The following CNTNAP2 variants were observed in gnomAD, a reference collection of about 807,000 sequenced individuals.
The protein encoded by CNTNAP2 is contactin-associated protein-like 2.
Under a neutral mutation model 155.2 loss-of-function variants are expected in CNTNAP2, and 98 were observed. The ratio of observed to expected loss-of-function variants is 0.63; its 90% CI spans 0.54 to 0.75. The LOEUF is 0.75. CNTNAP2 is among the 30% of genes least tolerant of loss of function. The pLI, the probability that CNTNAP2 is intolerant of heterozygous loss-of-function variation, is 0.00. For missense variants in CNTNAP2, 1,727 were observed against 1,688.1 expected (o/e 1.02, Z -0.40); for synonymous variants, 651 against 631.2 (o/e 1.03, Z -0.47).
chr7:147,792,997 T>C (rs1255432912), intron 13 of CNTNAP2, among the ~76,000 whole-genome samples: 1 of 152,200 alleles, frequency 6.6e-6, no homozygotes, highest in Non-Finnish European at 1.5e-5. Flanking sequence ...TTATCTTACT[T>C]GGAGCAAGTC....
intron 8 of CNTNAP2, among the ~76,000 whole-genome samples, chr7:147,279,415 G>C (rs1448951362): frequency 6.6e-6 from 1 of 151,652 alleles, no homozygotes; most frequent in Non-Finnish European, 1.5e-5. Context: ...GATGAACTTA[G>C]GCGATGGGTC....
intron 1 of CNTNAP2, among the ~76,000 whole-genome samples, chr7:146,717,368 C>T (rs1454503368): frequency 6.9e-6 from 1 of 143,970 alleles, no homozygotes; most frequent in Non-Finnish European, 1.5e-5. Flanking sequence ...AAAAAAAAAG[C>T]CATGTGTGGT....
chr7:146,520,313 C>CGTATATAT (rs71175654), intron 1 of CNTNAP2, among the ~76,000 whole-genome samples: 16 of 140,820 alleles, frequency 1.1e-4, no homozygotes, highest in African/African-American at 4.1e-4. Context: ...TAGATATATT[C>CGTATATAT]ATATATATAT....
chr7:147,798,916 C>T (rs993520530), intron 13 of CNTNAP2, among the ~76,000 whole-genome samples: 6 of 152,100 alleles, frequency 3.9e-5, no homozygotes, highest in African/African-American at 1.4e-4. Context: ...ACCGTGTTTT[C>T]CTCCTTGTTT....
At chr7:147,406,587 G>A (rs1563192581) in intron 10 of CNTNAP2, among the ~76,000 whole-genome samples, 1 of 152,124 alleles carries the variant, frequency 6.6e-6, no homozygotes, top group Admixed American at 6.5e-5. Context: ...AATTCTCATG[G>A]CACCCATTGC....
chr7:147,465,956 A>G (rs577744988), intron 10 of CNTNAP2, among the ~76,000 whole-genome samples: 2 of 152,336 alleles, frequency 1.3e-5, no homozygotes, highest in Admixed American at 1.3e-4. Context: ...CTCAATGTAA[A>G]CATTGCCATA....
In CNTNAP2 at chr7:147,498,341, C is replaced by T. The variant is rs188064049; in HGVS notation, c.1777+12300C>T. Among the ~76,000 whole-genome samples, 13 of 152,286 alleles carry T rather than the reference C, an allele frequency of 8.5e-5. No individual in the cohort carries two copies. The East Asian group carries it at 2.5e-3, about 29-fold the overall frequency. On this transcript the variant is annotated intron_variant, in intron 11 of 23. Transcript: ENST00000361727. ...AAAACAAGTCCTTCTCTTATTGTTG[C>T]TAGATCCACTGCTTATGACCTATTT... is the stretch of plus-strand genomic sequence containing the variant.
chr7:147,289,636 A>G (rs1014914359), intron 8 of CNTNAP2, among the ~76,000 whole-genome samples: 1 of 152,338 alleles, frequency 6.6e-6, no homozygotes, highest in Admixed American at 6.5e-5. Context: ...AGAATAATAA[A>G]GTTTCAAATA....
chr7:146,807,602 C>T (rs1802990991), intron 2 of CNTNAP2, among the ~76,000 whole-genome samples: 1 of 151,854 alleles, frequency 6.6e-6, no homozygotes, highest in African/African-American at 2.4e-5. Context: ...CGAATTTTAC[C>T]AAGGTCAATT....
chr7:147,347,508 G>GCA (rs1554472722), intron 9 of CNTNAP2, among the ~76,000 whole-genome samples: 2 of 119,548 alleles, frequency 1.7e-5, no homozygotes, highest in African/African-American at 2.8e-5. Flanking sequence ...ATATGTGTGT[G>GCA]TGTGTGTAGC....
At chr7:146,517,560 G>A (rs1045426735) in intron 1 of CNTNAP2, among the ~76,000 whole-genome samples, 1 of 151,968 alleles carries the variant, frequency 6.6e-6, no homozygotes, top group Non-Finnish European at 1.5e-5. Context: ...ACATAGCACA[G>A]ATCATGGAGA....
intron 22 of CNTNAP2, 135 bp downstream of exon 22, chr7:148,384,023 G>A (rs562743457): frequency 2.2e-5 from 28 of 1,279,150 alleles, no homozygotes; most frequent in Non-Finnish European, 2.6e-5. Context: ...AAGGAACGTT[G>A]TGAGTACGGA....
chr7:147,356,903 G>A (rs1430869784), intron 9 of CNTNAP2, among the ~76,000 whole-genome samples: 1 of 152,048 alleles, frequency 6.6e-6, no homozygotes, highest in Non-Finnish European at 1.5e-5. Flanking sequence ...ACTGCAAGTT[G>A]GAACCAAACT....
chr7:146,554,716 T>A (rs1798171232), intron 1 of CNTNAP2, among the ~76,000 whole-genome samples: 1 of 152,208 alleles, frequency 6.6e-6, no homozygotes, highest in Non-Finnish European at 1.5e-5. Flanking sequence ...CTTGCTATTA[T>A]TCACTGTAAA....
At chr7:148,244,899 A>G (rs1796227767) in intron 20 of CNTNAP2, among the ~76,000 whole-genome samples, 1 of 152,034 alleles carries the variant, frequency 6.6e-6, no homozygotes, top group Non-Finnish European at 1.5e-5. Context: ...ACATTTTAAT[A>G]GGACATTATA....
intron 13 of CNTNAP2, among the ~76,000 whole-genome samples, chr7:147,678,333 C>T (rs1029681630): frequency 2.0e-5 from 3 of 151,830 alleles, no homozygotes; most frequent in African/African-American, 4.8e-5. Context: ...ACTGATCTCC[C>T]CAAATATGAA....
At chr7:146,803,628 A>G (rs1310096679) in intron 2 of CNTNAP2, among the ~76,000 whole-genome samples, 1 of 152,214 alleles carries the variant, frequency 6.6e-6, no homozygotes, top group Non-Finnish European at 1.5e-5. Context: ...GAATTAGTCT[A>G]GCAGGAGCTT....
At chr7:147,531,508 C>T (rs558844267) in intron 11 of CNTNAP2, among the ~76,000 whole-genome samples, 1 of 152,350 alleles carries the variant, frequency 6.6e-6, no homozygotes, top group South Asian at 2.1e-4. Context: ...GGCTTACACC[C>T]TCTGAAACCA....
chr7:146,226,621 C>T (rs1270834317), intron 1 of CNTNAP2, among the ~76,000 whole-genome samples: 3 of 152,140 alleles, frequency 2.0e-5, no homozygotes, highest in Non-Finnish European at 4.4e-5. Flanking sequence ...GATCATGTCA[C>T]TGCACTCCAG....
Sources: allele counts gnomAD v4.1 joint callset (sites outside exome capture counted in the v4.1 genomes callset), GRCh38; gene constraint gnomAD v4.1.1; transcripts MANE v1.5; gene names NCBI Gene and HGNC (gene_info 2026-07-23, HGNC 2026-07-21).